SCP2: variants seen among roughly 807,000 people sequenced by gnomAD.
SCP2 encodes the protein sterol carrier protein 2, also known as SCP-2/3-oxoacyl-CoA thiolase.
SCP2 carries 48 observed loss-of-function variants against 71.4 expected under a neutral mutation model. The ratio of observed to expected loss-of-function variants is 0.67; its 90% CI spans 0.53 to 0.86. The LOEUF (loss-of-function observed/expected upper bound fraction) is 0.86, where lower values mean the gene tolerates loss of function less well. Ranked by LOEUF, SCP2 falls within the 40% of genes least tolerant of loss-of-function variation. The pLI is 0.00. For synonymous variants in SCP2, 220 were observed against 218.1 expected, an observed-to-expected ratio of 1.01 and a Z score of -0.08; for missense variants, 560 against 655.6, an observed-to-expected ratio of 0.85 and a Z score of 1.59.
chr1:52,972,007 A>C (rs1475440416), intron 6 of SCP2, among the ~76,000 whole-genome samples: 1 of 152,182 alleles, frequency 6.6e-6, no homozygotes. Context: ...GGAGGGTAGG[A>C]GAAGGTCAGT....
In SCP2 at chr1:52,955,544, ACT is replaced by A. The variant is rs60631080; in HGVS notation, c.396+742_396+743del. Among the ~76,000 whole-genome samples, 514 of 152,206 alleles carry A rather than the reference ACT, an allele frequency of 3.4e-3. 1 individual carries two copies. Among genetic ancestry groups the A allele is most frequent in the African/African-American group, 0.012 (492 of 41,534 alleles). On this transcript the variant is annotated intron_variant, in intron 5 of 15. Coordinates refer to ENST00000371514, the MANE Select transcript of SCP2 (RefSeq NM_002979.5). Reference sequence around the variant, plus strand: ...GAAAAAAAAAGAGAAAGAATAAAAAACTCAGTAAAACCTTTCATTGAGTTAAT... The same window carrying A: ...GAAAAAAAAAGAGAAAGAATAAAAAACAGTAAAACCTTTCATTGAGTTAAT...
intron 5 of SCP2, among the ~76,000 whole-genome samples, chr1:52,959,535 C>T (rs1463803232): frequency 1.3e-5 from 2 of 151,774 alleles, no homozygotes; most frequent in Non-Finnish European, 2.9e-5. Flanking sequence ...TTTGCATTCT[C>T]ATCTTTGGGT....
At chr1:52,958,850 G>A (rs904590812) in intron 5 of SCP2, among the ~76,000 whole-genome samples, 2 of 151,500 alleles carry the variant, frequency 1.3e-5, no homozygotes, top group African/African-American at 4.9e-5. Flanking sequence ...CCACTGCGCC[G>A]GGCCTGATTT....
At chr1:52,934,467 A>G (rs996230626) in intron 1 of SCP2, among the ~76,000 whole-genome samples, 10 of 152,116 alleles carry the variant, frequency 6.6e-5, no homozygotes, top group African/African-American at 2.4e-4. Flanking sequence ...TCTTTAAATA[A>G]TAATCCACTC....
chr1:52,931,465 T>C (rs1653142575), intron 1 of SCP2, among the ~76,000 whole-genome samples: 1 of 152,164 alleles, frequency 6.6e-6, no homozygotes. Flanking sequence ...ATGAAGAGGC[T>C]CTAGAATCAT....
intron 1 of SCP2, among the ~76,000 whole-genome samples, chr1:52,936,864 A>C (rs60813156): frequency 0.027 from 4,117 of 152,184 alleles, 143 homozygotes; most frequent in East Asian, 0.19. Context: ...GTGGAGGGCA[A>C]AGTTCTATTT....
chr1:52,967,810 A>G (rs761806794), intron 6 of SCP2, among the ~76,000 whole-genome samples: 1 of 152,104 alleles, frequency 6.6e-6, no homozygotes, highest in Non-Finnish European at 1.5e-5. Context: ...GGTACACACA[A>G]TTGCTTTCTT....
intron 11 of SCP2, among the ~76,000 whole-genome samples, chr1:52,998,129 G>T (rs1271472855): frequency 6.6e-6 from 1 of 152,074 alleles, no homozygotes; most frequent in Non-Finnish European, 1.5e-5. Context: ...ATATCAGTTT[G>T]CTTATCCATT....
At chr1:52,960,562 G>GTATGTA (rs1656285652) in intron 5 of SCP2, among the ~76,000 whole-genome samples, 1 of 143,058 alleles carries the variant, frequency 7.0e-6, no homozygotes, top group African/African-American at 2.7e-5. Flanking sequence ...GTGTATATAT[G>GTATGTA]TATGTATATA....
At chr1:52,997,348 T>C (rs1393893624) in intron 11 of SCP2, among the ~76,000 whole-genome samples, 5 of 152,064 alleles carry the variant, frequency 3.3e-5, no homozygotes, top group African/African-American at 4.8e-5. Context: ...TTTGTATTTT[T>C]AGTAGAGACA....
At chr1:53,008,530 A>G (rs6658468) in intron 11 of SCP2, among the ~76,000 whole-genome samples, 12,527 of 152,268 alleles carry the variant, frequency 0.082, 968 homozygotes, top group Admixed American at 0.2. Flanking sequence ...CACAAAAACC[A>G]CATGATTATC....
chr1:53,009,389 A>T (rs1261945924), intron 11 of SCP2, among the ~76,000 whole-genome samples: 2 of 152,252 alleles, frequency 1.3e-5, no homozygotes, highest in Non-Finnish European at 2.9e-5. Flanking sequence ...CTACAAGGCT[A>T]CAGTAACCAA....
At chr1:52,995,856 TC>T in intron 11 of SCP2, 1 of 1,262,664 alleles carries the variant, frequency 7.9e-7, no homozygotes, top group Non-Finnish European at 1.1e-6. Context: ...ACTGCCATGT[TC>T]CCCTGGAAGG....
At chr1:53,037,205 A>G (rs17107702) in intron 13 of SCP2, among the ~76,000 whole-genome samples, 9,670 of 152,182 alleles carry the variant, frequency 0.064, 863 homozygotes, top group African/African-American at 0.2. Flanking sequence ...GATATTTTCT[A>G]ATTTTTCCAC....
intron 1 of SCP2, among the ~76,000 whole-genome samples, chr1:52,936,234 A>G (rs12062062): frequency 0.034 from 5,225 of 152,326 alleles, 309 homozygotes; most frequent in African/African-American, 0.12. Flanking sequence ...ATCTTTTAAA[A>G]TGTCTTTAGT....
intron 14 of SCP2, among the ~76,000 whole-genome samples, 167 bp from the exon 15 acceptor site, chr1:53,047,691 A>G (rs1557635819): frequency 1.3e-5 from 2 of 152,186 alleles, no homozygotes; most frequent in Non-Finnish European, 1.5e-5. Flanking sequence ...CTTGTGGTTT[A>G]TGTCACATTT....
rs568190075 is a variant in SCP2 at position 52,979,481 on chromosome 1, G to A, written c.826-915G>A. 5.3e-5 allele frequency among the ~76,000 whole-genome samples: 8 copies of A among 151,922 alleles called. No individual in the cohort carries two copies. In the East Asian group the frequency reaches 5.8e-4, roughly 11 times the overall value. On this transcript the variant is annotated intron_variant, in intron 9 of 15. Coordinates refer to ENST00000371514, the MANE Select transcript of SCP2 (RefSeq NM_002979.5). ...TGGGATTACAGGCATGAGCCACCAC[G>A]CCTGGCCTCACCGTTTTATTCCTTG...
chr1:52,934,618 TTTTTTTTTTTTTG>T, intron 1 of SCP2, among the ~76,000 whole-genome samples: 2 of 101,506 alleles, frequency 2.0e-5, no homozygotes, highest in East Asian at 3.4e-4. Context: ...TTTTTTTTTT[TTTTTTTTTTTTTG>T]AGACGGAGTC....
Position 53,011,505 on chromosome 1 carries a change from T to C in SCP2, c.1082-3385T>C, listed in dbSNP as rs114590364. On this transcript the variant is annotated intron_variant, in intron 11 of 15. Coordinates refer to ENST00000371514, the MANE Select transcript of SCP2 (RefSeq NM_002979.5). ...GAAGCAACCAGATTGTATACCCTTA[T>C]GTATGTAGCTGAGTCCTAGGTCAGT... Among the ~76,000 whole-genome samples, 947 of 152,354 alleles carry C rather than the reference T, an allele frequency of 6.2e-3. 15 individuals carry two copies. The highest frequency in any genetic ancestry group is 0.022 in the African/African-American group (910 of 41,584).
Sources: gnomAD v4.1 joint callset for allele counts (sites outside exome capture counted in the v4.1 genomes callset) on GRCh38, gnomAD v4.1.1 for gene constraint, MANE v1.5 for transcripts, NCBI Gene and HGNC (gene_info 2026-07-23, HGNC 2026-07-21) for gene names.